GLE1: variants seen among roughly 807,000 people sequenced by gnomAD.
GLE1 encodes the protein mRNA export factor GLE1.
GLE1 carries 78 observed loss-of-function variants against 97.3 expected under a neutral mutation model. The observed-to-expected ratio is 0.80, with a 90% confidence interval of 0.67 to 0.97. The LOEUF (loss-of-function observed/expected upper bound fraction) is 0.97. GLE1 is among the 50% of genes least tolerant of loss of function. GLE1 has a pLI of 0.00. For missense variants in GLE1, 753 were observed against 857.5 expected, an observed-to-expected ratio of 0.88 and a Z score of 1.52; for synonymous variants, 302 against 313.4, an observed-to-expected ratio of 0.96 and a Z score of 0.39.
At chr9:128,523,149 A>G in intron 4 of GLE1, 131 bp from the exon 5 acceptor site, 2 of 791,856 alleles carry the variant, frequency 2.5e-6, no homozygotes, top group Non-Finnish European at 4.5e-6. Context: ...CCTGGGCAAC[A>G]TAACGAGACC....
intron 3 of GLE1, among the ~76,000 whole-genome samples, chr9:128,515,907 G>A (rs1846972655): frequency 6.6e-6 from 1 of 151,712 alleles, no homozygotes; most frequent in African/African-American, 2.4e-5. Context: ...GAAATGGTCT[G>A]GGATTGTTAG....
chr9:128,506,671 C>T (rs1337831762), intron 1 of GLE1, among the ~76,000 whole-genome samples: 2 of 152,116 alleles, frequency 1.3e-5, no homozygotes, highest in African/African-American at 4.8e-5. Context: ...TGCTTCTAGG[C>T]CTTCTCAGTA....
intron 9 of GLE1, among the ~76,000 whole-genome samples, chr9:128,528,030 T>C (rs12346237): frequency 0.21 from 28,158 of 135,270 alleles, 3,359 homozygotes; most frequent in East Asian, 0.43. Context: ...GACAGAGTCT[T>C]GCTCTGTCGC....
intron 9 of GLE1, among the ~76,000 whole-genome samples, chr9:128,530,190 G>A (rs1345135544): frequency 6.6e-6 from 1 of 152,096 alleles, no homozygotes; most frequent in African/African-American, 2.4e-5. Flanking sequence ...CCTACCTCTG[G>A]TTTATTCCTT....
At chr9:128,539,910 A>G in intron 14 of GLE1, 2 of 1,410,510 alleles carry the variant, frequency 1.4e-6, no homozygotes, top group Non-Finnish European at 1.9e-6. Flanking sequence ...TTGCCCAAAC[A>G]AAAACACAAA....
intron 9 of GLE1, among the ~76,000 whole-genome samples, chr9:128,528,592 T>A (rs528678413): frequency 2.6e-5 from 4 of 152,298 alleles, no homozygotes; most frequent in Non-Finnish European, 5.9e-5. Context: ...CGTGAGTCAC[T>A]GCACCCGGCC....
Position 128,523,589 on chromosome 9 carries a change from C to T in GLE1, c.643-3C>T. ...AGAGAAGTCACTCAGCCCTTTTCTA[C>T]AGATTCTCAACCTGAAGCTGCGGGA... On this transcript the variant is annotated splice_region_variant and splice_polypyrimidine_tract_variant and intron_variant, in intron 5 of 15. Coordinates refer to ENST00000309971, the MANE Select transcript of GLE1 (RefSeq NM_001003722.2). 1.2e-6 allele frequency: 2 copies of T among 1,613,974 alleles called. No individual in the cohort carries two copies. The highest frequency in any genetic ancestry group is 1.7e-6 in the Non-Finnish European group (2 of 1,180,026).
chr9:128,541,063 C>T, intron 15 of GLE1, 39 bp from the exon 16 acceptor site: 1 of 1,120,146 alleles, frequency 8.9e-7, no homozygotes, highest in Non-Finnish European at 1.4e-6. Flanking sequence ...ACACTGTTAT[C>T]AGAAACTCAT....
At position 128,533,716 on chromosome 9, in the gene GLE1, T is replaced by G. The variant is rs761106998; in HGVS notation, c.1456-45T>G. On this transcript the variant is annotated intron_variant, in intron 10 of 15. Coordinates refer to ENST00000309971, the MANE Select transcript of GLE1 (RefSeq NM_001003722.2). ...AGGCTGGTGTACAAGATTTCAGCCT[T>G]TTTCTGGTATTAAGTTAAAATTGTA... 22 of 1,612,610 alleles carry G rather than the reference T, an allele frequency of 1.4e-5. No individual in the cohort carries two copies. The Admixed American group carries it at 3.5e-4, about 26-fold the overall frequency.
At chr9:128,506,189 T>C (rs988302888) in intron 1 of GLE1, among the ~76,000 whole-genome samples, 1 of 151,940 alleles carries the variant, frequency 6.6e-6, no homozygotes, top group Admixed American at 6.6e-5. Context: ...CTACTAAAAA[T>C]ACAAAATTAG....
Position 128,536,518 on chromosome 9 carries a change from G to A in GLE1, c.1776+34G>A, listed in dbSNP as rs757445668. The A allele has an allele frequency of 3.2e-6, 5 of 1,586,410 alleles. No homozygotes were observed. The South Asian group carries it at 4.4e-5, about 14-fold the overall frequency. ...AAGAGGCTTACTGTCAATAATGAGA[G>A]GTTAGACCACAGTCCATGTGTATTC... On this transcript the variant is annotated intron_variant, in intron 12 of 15. Transcript: ENST00000309971.
At chr9:128,526,000 TTTG>T (rs542525999) in intron 7 of GLE1, among the ~76,000 whole-genome samples, 13 of 151,930 alleles carry the variant, frequency 8.6e-5, no homozygotes, top group East Asian at 3.9e-4. Context: ...GAGTCTGGTT[TTTG>T]TTGTTGTTGT....
chr9:128,511,957 G>A (rs779434517), intron 2 of GLE1, among the ~76,000 whole-genome samples: 12 of 151,910 alleles, frequency 7.9e-5, no homozygotes, highest in Admixed American at 1.3e-4. Context: ...GATTATAGGC[G>A]CCTGCCACCA....
In GLE1 at chr9:128,541,215, A is replaced by C; in HGVS notation, c.*45A>C. ...ATCACCGCTGCTGCAAAGAGGCAATAATAAAGGAACTGAAGACAGCTGTAT... is the reference window on the plus strand; with the variant it reads ...ATCACCGCTGCTGCAAAGAGGCAATCATAAAGGAACTGAAGACAGCTGTAT... On this transcript the variant is annotated 3_prime_UTR_variant, in exon 16 of 16. Transcript: ENST00000309971. 1 of 1,074,972 alleles carries C rather than the reference A, an allele frequency of 9.3e-7. No homozygotes were observed. The highest frequency in any genetic ancestry group is 1.2e-5 in the South Asian group (1 of 80,362). 66.6% of individuals were successfully genotyped at this position (1,074,972 alleles called of 1,614,324 possible). A position where few individuals can be genotyped will look rare whatever the true frequency, so the allele number is the denominator to read the frequency against.
chr9:128,535,813 C>T (rs1847689458), intron 11 of GLE1, among the ~76,000 whole-genome samples: 1 of 150,424 alleles, frequency 6.6e-6, no homozygotes, highest in South Asian at 2.1e-4. Context: ...GAAATTCCAT[C>T]TCAAAAAAAA....
chr9:128,540,877 C>A (rs1171356794), intron 15 of GLE1: 1 of 564,368 alleles, frequency 1.8e-6, no homozygotes, highest in South Asian at 2.1e-5. Flanking sequence ...TGTAGGGAGA[C>A]AAGAGTGGGA....
At chr9:128,532,692 G>A (rs1847558260) in intron 9 of GLE1, 4 of 975,644 alleles carry the variant, frequency 4.1e-6, no homozygotes, top group South Asian at 4.7e-5. Flanking sequence ...TTCATGGCAG[G>A]TACGCAGCCC....
chr9:128,531,189 G>A (rs193120140), intron 9 of GLE1, among the ~76,000 whole-genome samples: 70 of 147,324 alleles, frequency 4.8e-4, no homozygotes, highest in African/African-American at 1.7e-3. Flanking sequence ...ACTCCAGTCT[G>A]GGCAAAAAGA....
chr9:128,522,958 G>T lies in GLE1; in HGVS notation c.581+142G>T, dbSNP rs904564248. The T allele has an allele frequency of 3.8e-6, 4 of 1,051,976 alleles. No individual in the cohort carries two copies. In the African/African-American group the frequency reaches 6.4e-5, roughly 17 times the overall value. The allele number at this position is 1,051,976 out of a possible 1,614,324, so 65.2% of individuals were successfully genotyped here. ...AAATAGGCAGAGAATTTTATAACCT[G>T]GAAAAAAGACCAAACTTGGAGAGAC... is the stretch of plus-strand genomic sequence containing the variant. On this transcript the variant is annotated intron_variant, in intron 4 of 15. Transcript: ENST00000309971.
Sources: gnomAD v4.1 joint callset for allele counts (sites outside exome capture counted in the v4.1 genomes callset) on GRCh38, gnomAD v4.1.1 for gene constraint, MANE v1.5 for transcripts, NCBI Gene and HGNC (gene_info 2026-07-23, HGNC 2026-07-21) for gene names.